Variants in EVX1 observed in about 807,000 individuals in gnomAD.
EVX1 encodes the protein even-skipped homeobox 1.
In EVX1, 19 loss-of-function variants were observed where a neutral mutation model predicts 28.6. The ratio of observed to expected loss-of-function variants is 0.67; its 90% CI spans 0.46 to 0.98. The LOEUF (loss-of-function observed/expected upper bound fraction) is 0.98. EVX1 is among the 50% of genes least tolerant of loss of function. The probability of loss-of-function intolerance (pLI) is 0.00; values close to 1 mark genes in which losing one functional copy is unlikely to be tolerated. For synonymous variants in EVX1, 324 were observed against 278.2 expected (o/e 1.16, Z -1.64); for missense variants, 660 against 583.0 (o/e 1.13, Z -1.36).
chr7:27,246,296 C>T lies in EVX1; in HGVS notation c.1095C>T (p.Ala365=), dbSNP rs753517187. Residue 365 remains alanine (A), a synonymous_variant, in exon 3 of 3, where the codon GCC becomes GCT. Coordinates refer to ENST00000496902, the MANE Select transcript of EVX1 (RefSeq NM_001989.5). ...GPANGLAPRA[A]AASDFTCAST... Reference sequence around the variant, plus strand: ...CCAACGGGCTGGCGCCCCGGGCTGCCGCCGCCTCGGACTTCACCTGTGCCT... The same window carrying T: ...CCAACGGGCTGGCGCCCCGGGCTGCTGCCGCCTCGGACTTCACCTGTGCCT... The T allele has an allele frequency of 1.5e-5, 23 of 1,585,020 alleles. No individual in the cohort carries two copies. The highest frequency in any genetic ancestry group is 2.7e-5 in the African/African-American group (2 of 74,092).
At position 27,247,296 on chromosome 7, in the gene EVX1, G is replaced by C. The variant is rs1562537734; in HGVS notation, c.*871G>C. On this transcript the variant is annotated 3_prime_UTR_variant, in exon 3 of 3. Transcript: ENST00000496902. ...TTGTGAATGTTGAATGTGTAATAAT[G>C]ATCACCATGGAGCTGGCCACTGACC... is the stretch of plus-strand genomic sequence containing the variant. The C allele has an allele frequency of 2.6e-5, 4 of 152,198 alleles. No homozygotes were observed. Among genetic ancestry groups the C allele is most frequent in the African/African-American group, 9.7e-5 (4 of 41,416 alleles). 9.4% of individuals were successfully genotyped at this position (152,198 alleles called of 1,614,324 possible). A position where few individuals can be genotyped will look rare whatever the true frequency, so the allele number is the denominator to read the frequency against.
rs577421698 is a variant in EVX1 at position 27,244,576 on chromosome 7, T to C, written c.428-472T>C. 1.6e-5 allele frequency: 13 copies of C among 804,828 alleles called. No individual in the cohort carries two copies. In the Admixed American group the frequency reaches 6.9e-4, roughly 43 times the overall value. The allele number at this position is 804,828 out of a possible 1,614,324, so 49.9% of individuals were successfully genotyped here. A position where few individuals can be genotyped will look rare whatever the true frequency, so the allele number is the denominator to read the frequency against. On this transcript the variant is annotated intron_variant, in intron 1 of 2. Transcript: ENST00000496902. Reference sequence around the variant, plus strand: ...CTCCAGCCCTGCAATACACGGAACCTAGTACACATTCCCACACCTGTTCTG... The same window carrying C: ...CTCCAGCCCTGCAATACACGGAACCCAGTACACATTCCCACACCTGTTCTG...
Position 27,246,487 on chromosome 7 carries a change from T to C in EVX1, c.*62T>C. The C allele has an allele frequency of 6.7e-7, 1 of 1,491,948 alleles. No individual in the cohort carries two copies. The highest frequency in any genetic ancestry group is 2.0e-5 in the Admixed American group (1 of 49,500). The allele number at this position is 1,491,948 out of a possible 1,614,324, so 92.4% of individuals were successfully genotyped here. Reference sequence around the variant, plus strand: ...TGGGGTCACCCCCCGGCCCCGGGACTCAGCCAGCCTCGCTCCTCGCTCCTC... The same window carrying C: ...TGGGGTCACCCCCCGGCCCCGGGACCCAGCCAGCCTCGCTCCTCGCTCCTC... On this transcript the variant is annotated 3_prime_UTR_variant, in exon 3 of 3. Transcript: ENST00000496902.
rs1583466345 is a variant in EVX1 at position 27,246,043 on chromosome 7, A to C, written c.842A>C (p.Tyr281Ser). ...TTCCCATCGCACCTGCCCCTGCCCT[A>C]CTACTCGCCGGTGGGCCTGGGCGCC... ...YPFPSHLPLP[Y>S]YSPVGLGAAS... Residue 281 changes from tyrosine to serine, a missense_variant, in exon 3 of 3, where the codon TAC becomes TCC. By Grantham distance (144) the Tyr-to-Ser change is moderately radical. Transcript: ENST00000496902. 1 of 1,585,566 alleles carries C rather than the reference A, an allele frequency of 6.3e-7. No homozygotes were observed. The highest frequency in any genetic ancestry group is 8.5e-7 in the Non-Finnish European group (1 of 1,171,272).
At chr7:27,244,820 G>A (rs1783125502) in intron 1 of EVX1, among the ~76,000 whole-genome samples, 1 of 152,214 alleles carries the variant, frequency 6.6e-6, no homozygotes, top group South Asian at 2.1e-4. Context: ...TGCCTTAGAG[G>A]AAGGGAAGGC....
In EVX1 at chr7:27,246,478, C is replaced by T; in HGVS notation, c.*53C>T. 2 of 1,519,874 alleles carry T rather than the reference C, an allele frequency of 1.3e-6. No homozygotes were observed. Among genetic ancestry groups the T allele is most frequent in the Non-Finnish European group, 1.8e-6 (2 of 1,131,446 alleles). 94.1% of individuals were successfully genotyped at this position (1,519,874 alleles called of 1,614,324 possible). Reference sequence around the variant, plus strand: ...TGACGCCCGTGGGGTCACCCCCCGGCCCCGGGACTCAGCCAGCCTCGCTCC... The same window carrying T: ...TGACGCCCGTGGGGTCACCCCCCGGTCCCGGGACTCAGCCAGCCTCGCTCC... On this transcript the variant is annotated 3_prime_UTR_variant, in exon 3 of 3. Coordinates refer to ENST00000496902, the MANE Select transcript of EVX1 (RefSeq NM_001989.5).
intron 1 of EVX1, among the ~76,000 whole-genome samples, chr7:27,244,785 C>T (rs1245272994): frequency 1.3e-5 from 2 of 152,202 alleles, no homozygotes; most frequent in Non-Finnish European, 2.9e-5. Context: ...GTGGGAAGGG[C>T]GGCTGGGAAC....
At position 27,243,049 on chromosome 7, in the gene EVX1, A is replaced by G. The variant is rs1474781868; in HGVS notation, c.19A>G (p.Met7Val). 1.2e-6 allele frequency: 2 copies of G among 1,605,448 alleles called. No homozygotes were observed. Among genetic ancestry groups the G allele is most frequent in the African/African-American group, 1.3e-5 (1 of 74,418 alleles). Residue 7 changes from methionine (M) to valine (V), a missense_variant, in exon 1 of 3, where the codon ATG (methionine) becomes GTG (valine). Around this residue, in one of 3 missense-constraint regions of EVX1, gnomAD observed 308 missense variants for 256.6 expected, o/e 1.20. Transcript: ENST00000496902. ...CCCCGGGATGGAGAGCCGAAAGGAC[A>G]TGGTTGTGTTTCTGGATGGGGGTCA... MESRKD[M>V]VVFLDGGQLG...
In EVX1 at chr7:27,246,251, C is replaced by T. The variant is rs1189628925; in HGVS notation, c.1050C>T (p.Leu350=). The change falls in exon 3 of 3, where the codon CTC becomes CTT. Residue 350 remains leucine, a synonymous_variant. Transcript: ENST00000496902. ...GASAGGPCSC[L]ACHSGPANGL... The stretch of plus-strand genomic sequence containing the variant: ...CTGCCGGCGGCCCCTGCTCCTGCCT[C>T]GCCTGTCACAGCGGCCCGGCCAACG... The T allele has an allele frequency of 1.3e-6, 2 of 1,548,724 alleles. No individual in the cohort carries two copies. Among genetic ancestry groups the T allele is most frequent in the East Asian group, 2.4e-5 (1 of 40,940 alleles).
Position 27,245,256 on chromosome 7 carries a change from G to A in EVX1, c.636G>A (p.Arg212=). 6.2e-7 allele frequency: 1 copy of A among 1,613,508 alleles called. No homozygotes were observed. The highest frequency in any genetic ancestry group is 1.1e-5 in the South Asian group (1 of 91,086). ...GGGAGAACTACGTATCCAGGCCGCG[G>A]AGATGTGAGCTGGCGGCCGCCCTAA... is the stretch of plus-strand genomic sequence containing the variant. ...FYRENYVSRP[R]RCELAAALNL... is the part of the protein sequence containing the mutation. The change falls in exon 2 of 3, where the codon CGG becomes CGA. Residue 212 remains arginine (R), a synonymous_variant. Coordinates refer to ENST00000496902, the MANE Select transcript of EVX1 (RefSeq NM_001989.5).
rs749255063 is a variant in EVX1, at chr7:27,245,901, C to G, written c.700C>G (p.Arg234Gly). ...ETTIKVWFQN[R>G]RMKDKRQRLA... ...CTCTCCCCAGGTGTGGTTCCAGAAC[C>G]GGCGCATGAAGGACAAGCGGCAGCG... Residue 234 changes from arginine to glycine, a missense_variant, in exon 3 of 3, where the codon CGG (arginine) becomes GGG (glycine). Arg to Gly is a moderately radical substitution (Grantham distance 125). This residue lies in a region of EVX1 where 53 missense variants were observed against 85.1 expected (regional missense o/e 0.62). Coordinates refer to ENST00000496902, the MANE Select transcript of EVX1 (RefSeq NM_001989.5). 1 of 1,611,856 alleles carries G rather than the reference C, an allele frequency of 6.2e-7. No homozygotes were observed. The highest frequency in any genetic ancestry group is 2.2e-5 in the East Asian group (1 of 44,852).
At chr7:27,244,389 A>G in intron 1 of EVX1, 1 of 539,686 alleles carries the variant, frequency 1.9e-6, no homozygotes, top group Non-Finnish European at 2.4e-6. Context: ...GAGAAAGACC[A>G]CCCCCTGGTC....
Position 27,243,364 on chromosome 7 carries a change from A to G in EVX1, c.334A>G (p.Ser112Gly). 6.2e-7 allele frequency: 1 copy of G among 1,611,034 alleles called. No individual in the cohort carries two copies. Among genetic ancestry groups the G allele is most frequent in the East Asian group, 2.2e-5 (1 of 44,696 alleles). ...DSLSGQGQPSSSDTESDFYEE... is the reference protein window; with the variant it reads ...DSLSGQGQPSGSDTESDFYEE... Reference sequence around the variant, plus strand: ...CCTCTCCGGACAGGGGCAACCCAGTAGCTCGGACACCGAGTCGGATTTCTA... The same window carrying G: ...CCTCTCCGGACAGGGGCAACCCAGTGGCTCGGACACCGAGTCGGATTTCTA... Residue 112 changes from serine to glycine, a missense_variant, in exon 1 of 3, where the codon AGC becomes GGC. Ser to Gly is a moderately conservative substitution (Grantham distance 56). Around this residue, in one of 3 missense-constraint regions of EVX1, gnomAD observed 308 missense variants for 256.6 expected, o/e 1.20. Coordinates refer to ENST00000496902, the MANE Select transcript of EVX1 (RefSeq NM_001989.5).
Position 27,243,118 on chromosome 7 carries a change from G to A in EVX1, c.88G>A (p.Ala30Thr). Reference sequence around the variant, plus strand: ...CAAGAGAGTCTCAAATTTGTCCGAAGCCGTGGGCAGCCCGCTGCCGGAGCC... The same window carrying A: ...CAAGAGAGTCTCAAATTTGTCCGAAACCGTGGGCAGCCCGCTGCCGGAGCC... ...VGKRVSNLSE[A>T]VGSPLPEPPE... Residue 30 changes from alanine to threonine, a missense_variant, in exon 1 of 3, where the codon GCC becomes ACC. Transcript: ENST00000496902. The A allele has an allele frequency of 1.2e-6, 2 of 1,611,100 alleles. No homozygotes were observed. The highest frequency in any genetic ancestry group is 1.7e-6 in the Non-Finnish European group (2 of 1,178,808).
rs1562533685 is a variant in EVX1 at position 27,242,908 on chromosome 7, C to G, written c.-123C>G. ...CCGCGCTCCAGCAGCTCCGCGCCCTCCCAGGCACCCGGCCTTTCTTTCTCC... is the reference window on the plus strand; with the variant it reads ...CCGCGCTCCAGCAGCTCCGCGCCCTGCCAGGCACCCGGCCTTTCTTTCTCC... On this transcript the variant is annotated 5_prime_UTR_variant, in exon 1 of 3. Transcript: ENST00000496902. 2.6e-6 allele frequency: 3 copies of G among 1,161,934 alleles called. No individual in the cohort carries two copies. Among genetic ancestry groups the G allele is most frequent in the Admixed American group, 3.2e-5 (1 of 31,138 alleles). 72.0% of individuals were successfully genotyped at this position (1,161,934 alleles called of 1,614,324 possible). A position where few individuals can be genotyped will look rare whatever the true frequency, so the allele number is the denominator to read the frequency against.
rs2115493613 is a variant in EVX1, at chr7:27,243,278, A to G, written c.248A>G (p.Glu83Gly). The G allele has an allele frequency of 6.5e-7, 1 of 1,545,588 alleles. No homozygotes were observed. The highest frequency in any genetic ancestry group is 2.5e-5 in the East Asian group (1 of 40,470). ...LAGSAAGPGA[E>G]PQVAGAAMLG... ...GGCAGCGCGGCGGGGCCGGGCGCCGAGCCCCAGGTAGCTGGGGCGGCCATG... is the reference window on the plus strand; with the variant it reads ...GGCAGCGCGGCGGGGCCGGGCGCCGGGCCCCAGGTAGCTGGGGCGGCCATG... The change falls in exon 1 of 3, where the codon GAG becomes GGG. Residue 83 changes from glutamate (E) to glycine (G), a missense_variant. Glu to Gly is a moderately conservative substitution (Grantham distance 98). Around this residue, in one of 3 missense-constraint regions of EVX1, gnomAD observed 308 missense variants for 256.6 expected, o/e 1.20. Coordinates refer to ENST00000496902, the MANE Select transcript of EVX1 (RefSeq NM_001989.5).
At chr7:27,245,751 T>A in intron 2 of EVX1, 135 bp from the exon 3 acceptor site, 1 of 1,212,006 alleles carries the variant, frequency 8.3e-7, no homozygotes, top group Non-Finnish European at 1.1e-6. Context: ...GGTGGTGGGG[T>A]CGGTCTCTAC....
rs1273471405 is a variant in EVX1, at chr7:27,247,181, A to G, written c.*756A>G. 2 of 152,254 alleles carry G rather than the reference A, an allele frequency of 1.3e-5. No homozygotes were observed. Among genetic ancestry groups the G allele is most frequent in the Non-Finnish European group, 2.9e-5 (2 of 68,082 alleles). The allele number at this position is 152,254 out of a possible 1,614,324, so 9.4% of individuals were successfully genotyped here. A position where few individuals can be genotyped will look rare whatever the true frequency, so the allele number is the denominator to read the frequency against. ...TGGCCAGGGAGGCTGCAGATGCCCC[A>G]GGAGCCCTTTGCCGCTTCTATGAGG... On this transcript the variant is annotated 3_prime_UTR_variant, in exon 3 of 3. Coordinates refer to ENST00000496902, the MANE Select transcript of EVX1 (RefSeq NM_001989.5).
rs779516582 is a variant in EVX1, at chr7:27,243,317, C to A, written c.287C>A (p.Pro96His). 99 of 1,580,826 alleles carry A rather than the reference C, an allele frequency of 6.3e-5. No homozygotes were observed. In the African/African-American group the frequency reaches 1.3e-3, roughly 20 times the overall value. ...GGGGCGGCCATGCTCGGCCCAGGAC[C>A]CCCGGCCCCCTCAGTCGACAGCCTC... ...VAGAAMLGPG[P>H]PAPSVDSLSG... The change falls in exon 1 of 3, where the codon CCC becomes CAC. Residue 96 changes from proline to histidine, a missense_variant. Physicochemically the swap from Pro to His is moderately conservative, Grantham distance 77. Coordinates refer to ENST00000496902, the MANE Select transcript of EVX1 (RefSeq NM_001989.5).
Sources: gnomAD v4.1 joint callset for allele counts (sites outside exome capture counted in the v4.1 genomes callset) on GRCh38, gnomAD v4.1.1 for gene constraint, gnomAD v4.1.1 regional missense constraint, MANE v1.5 for transcripts, NCBI Gene and HGNC (gene_info 2026-07-23, HGNC 2026-07-21) for gene names.